Variants in USH2A observed in about 807,000 individuals in gnomAD.
USH2A encodes Usher syndrome 2A (autosomal recessive, mild).
USH2A carries 443 observed loss-of-function variants against 538.9 expected under a neutral mutation model. The observed-to-expected ratio is 0.82, with a 90% CI of 0.76 to 0.89. The LOEUF (loss-of-function observed/expected upper bound fraction) is 0.89, where lower values mean the gene tolerates loss of function less well. Ranked by LOEUF, USH2A falls within the 40% of genes least tolerant of loss-of-function variation. USH2A has a pLI of 0.00. For synonymous variants in USH2A, 2,413 were observed against 2,273.5 expected (o/e 1.06, Z -1.75); for missense variants, 6,633 against 6,324.8 (o/e 1.05, Z -1.65).
At chr1:216,372,090 T>G (rs1256541491) in intron 3 of USH2A, among the ~76,000 whole-genome samples, 1 of 152,226 alleles carries the variant, frequency 6.6e-6, no homozygotes, top group Admixed American at 6.5e-5. Context: ...CACAAATATT[T>G]GTAATGTTTG....
At chr1:216,260,314 A>C (rs1317917631) in intron 11 of USH2A, among the ~76,000 whole-genome samples, 1 of 152,192 alleles carries the variant, frequency 6.6e-6, no homozygotes, top group Non-Finnish European at 1.5e-5. Flanking sequence ...GGATTCCTAA[A>C]ACATGAAAAC....
At chr1:215,896,392 T>C (rs1665341845) in intron 40 of USH2A, among the ~76,000 whole-genome samples, 1 of 152,162 alleles carries the variant, frequency 6.6e-6, no homozygotes, top group Non-Finnish European at 1.5e-5. Flanking sequence ...GCCATATATG[T>C]TTGTCATTAA....
intron 32 of USH2A, among the ~76,000 whole-genome samples, chr1:216,018,508 C>A (rs1281354064): frequency 6.6e-6 from 1 of 152,166 alleles, no homozygotes; most frequent in Admixed American, 6.5e-5. Context: ...AACACTTCGG[C>A]CTCATTCCCT....
At chr1:216,261,301 A>G (rs902894469) in intron 11 of USH2A, among the ~76,000 whole-genome samples, 2 of 152,064 alleles carry the variant, frequency 1.3e-5, no homozygotes, top group African/African-American at 2.4e-5. Flanking sequence ...ACAATTGGTG[A>G]AAGAAAGAAT....
chr1:216,366,617 C>CAA (rs200059473), intron 3 of USH2A, among the ~76,000 whole-genome samples: 10 of 151,328 alleles, frequency 6.6e-5, no homozygotes, highest in African/African-American at 2.4e-4. Flanking sequence ...CACAACAAAA[C>CAA]AAAAAAAACA....
intron 64 of USH2A, among the ~76,000 whole-genome samples, chr1:215,654,638 C>T (rs868222076): frequency 2.6e-5 from 4 of 151,986 alleles, no homozygotes; most frequent in African/African-American, 9.7e-5. Flanking sequence ...AAGAAAGTTA[C>T]AATGTAAAAT....
chr1:216,266,220 TA>T (rs11443665), intron 11 of USH2A, among the ~76,000 whole-genome samples: 5 of 151,448 alleles, frequency 3.3e-5, no homozygotes, highest in Non-Finnish European at 2.9e-5. Context: ...ATTAAAAAGT[TA>T]AAAAAAAGGC....
At chr1:215,887,848 C>G (rs1409749186) in intron 41 of USH2A, among the ~76,000 whole-genome samples, 2 of 152,170 alleles carry the variant, frequency 1.3e-5, no homozygotes, top group Non-Finnish European at 2.9e-5. Flanking sequence ...GGCTTCTAAG[C>G]TACAAAACTC....
chr1:216,381,158 A>G (rs2038916133), intron 3 of USH2A, among the ~76,000 whole-genome samples: 1 of 152,164 alleles, frequency 6.6e-6, no homozygotes, highest in South Asian at 2.1e-4. Flanking sequence ...AGATACGTAC[A>G]CAAAGAAATG....
chr1:216,323,568 T>G lies in USH2A; in HGVS notation c.1456A>C (p.Arg486=), dbSNP rs142294142. The G allele has an allele frequency of 6.2e-7, 1 of 1,613,600 alleles. No individual in the cohort carries two copies. The highest frequency in any genetic ancestry group is 1.3e-5 in the African/African-American group (1 of 74,976). The change falls in exon 8 of 72, where the codon AGG becomes CGG. Residue 486 remains arginine (R), a synonymous_variant. Coordinates refer to ENST00000307340, the MANE Select transcript of USH2A (RefSeq NM_206933.4). The part of the protein sequence containing the change: ...LQEFVKATQI[R]FHFHGQYYTT... Reference sequence around the variant, plus strand: ...TAGTACTGCCCATGAAAATGAAACCTTATTTGCGTGGCTTTTACGAACTCT... The same window carrying G: ...TAGTACTGCCCATGAAAATGAAACCGTATTTGCGTGGCTTTTACGAACTCT...
At chr1:215,851,444 C>A (rs1267381293) in intron 44 of USH2A, among the ~76,000 whole-genome samples, 1 of 151,746 alleles carries the variant, frequency 6.6e-6, no homozygotes, top group Non-Finnish European at 1.5e-5. Flanking sequence ...AACTAGAAAA[C>A]CTAGATAAAC....
intron 37 of USH2A, among the ~76,000 whole-genome samples, chr1:215,949,180 T>C (rs1179010942): frequency 1.3e-5 from 2 of 151,974 alleles, no homozygotes; most frequent in Non-Finnish European, 1.5e-5. Context: ...TTAAATATTA[T>C]AATAAAAATA....
intron 3 of USH2A, among the ~76,000 whole-genome samples, chr1:216,368,589 C>T (rs567898636): frequency 1.3e-5 from 2 of 152,158 alleles, no homozygotes; most frequent in Admixed American, 6.5e-5. Context: ...ATGAGCTACA[C>T]CAACAAGAGT....
chr1:215,919,382 T>C (rs551810811), intron 38 of USH2A, among the ~76,000 whole-genome samples: 8 of 152,112 alleles, frequency 5.3e-5, no homozygotes, highest in Non-Finnish European at 1.0e-4. Context: ...TCCTGTGAGA[T>C]AGTGCTTATT....
chr1:216,160,994 C>A, intron 21 of USH2A, among the ~76,000 whole-genome samples: 1 of 152,076 alleles, frequency 6.6e-6, no homozygotes, highest in South Asian at 2.1e-4. Context: ...AAATGTCCTC[C>A]ATTTTGTCTA....
intron 21 of USH2A, among the ~76,000 whole-genome samples, chr1:216,113,344 C>A (rs2032922257): frequency 6.6e-6 from 1 of 152,004 alleles, no homozygotes; most frequent in South Asian, 2.1e-4. Flanking sequence ...ATCTAACCGC[C>A]TTTTCATTTC....
chr1:215,913,060 C>T (rs1257074127), intron 38 of USH2A, among the ~76,000 whole-genome samples: 4 of 152,076 alleles, frequency 2.6e-5, no homozygotes, highest in African/African-American at 9.7e-5. Context: ...ATGCAATCTC[C>T]AAGCTATAAA....
chr1:216,416,859 C>G lies in USH2A; in HGVS notation c.651+1655G>C, dbSNP rs542220537. 4.8e-4 allele frequency among the ~76,000 whole-genome samples: 73 copies of G among 152,102 alleles called. No individual in the cohort carries two copies. In the South Asian group the frequency reaches 5.8e-3, roughly 12 times the overall value. On this transcript the variant is annotated intron_variant, in intron 3 of 71. Coordinates refer to ENST00000307340, the MANE Select transcript of USH2A (RefSeq NM_206933.4). The stretch of plus-strand genomic sequence containing the variant: ...TCATTGTTGATACAAAAATATGCAA[C>G]AAACATATCTATTTGGCATCTTCTG...
intron 14 of USH2A, among the ~76,000 whole-genome samples, chr1:216,229,640 G>A (rs900546217): frequency 4.2e-4 from 64 of 151,954 alleles, no homozygotes; most frequent in African/African-American, 1.5e-3. Flanking sequence ...TTGTAACTTC[G>A]GTATCTTCTA....
Sources: allele counts gnomAD v4.1 joint callset (sites outside exome capture counted in the v4.1 genomes callset), GRCh38; gene constraint gnomAD v4.1.1; transcripts MANE v1.5; gene names NCBI Gene and HGNC (gene_info 2026-07-23, HGNC 2026-07-21).